ZFHX3: variants seen among roughly 807,000 people sequenced by gnomAD.
ZFHX3 encodes the protein zinc finger homeobox protein 3.
In ZFHX3, 42 loss-of-function variants were observed where a neutral mutation model predicts 279.1. The ratio of observed to expected loss-of-function variants is 0.15; its 90% confidence interval spans 0.12 to 0.19. The LOEUF is 0.19. ZFHX3 is among the 10% of genes least tolerant of loss of function. ZFHX3 has a pLI of 1.00. For synonymous variants in ZFHX3, 2,293 were observed against 1,957.8 expected, an observed-to-expected ratio of 1.17 and a Z score of -4.52; for missense variants, 4,981 against 4,754.0, an observed-to-expected ratio of 1.05 and a Z score of -1.40.
At chr16:73,224,091 A>G (rs2012513441) in intron 5 of ZFHX3, among the ~76,000 whole-genome samples, 1 of 152,236 alleles carries the variant, frequency 6.6e-6, no homozygotes, top group Admixed American at 6.5e-5. Context: ...GTATGGTACT[A>G]TAGTGGTAGA....
At position 73,018,236 on chromosome 16, in the gene ZFHX3, C is replaced by A. The variant is rs577722947; in HGVS notation, c.-50+29516G>T. Reference sequence around the variant, plus strand: ...CGAACTCCTGGGCTCAAGCAATCCTCCTGCCTTGGCCTCCCAAAGTGCTGG... The same window carrying A: ...CGAACTCCTGGGCTCAAGCAATCCTACTGCCTTGGCCTCCCAAAGTGCTGG... On this transcript the variant is annotated intron_variant, in intron 1 of 9. Coordinates refer to ENST00000268489, the MANE Select transcript of ZFHX3 (RefSeq NM_006885.4). Among the ~76,000 whole-genome samples the A allele has an allele frequency of 2.6e-5, 4 of 152,148 alleles. No homozygotes were observed. In the East Asian group the frequency reaches 7.8e-4, roughly 30 times the overall value.
chr16:73,336,789 G>A (rs922863054), intron 3 of ZFHX3, among the ~76,000 whole-genome samples: 3 of 152,082 alleles, frequency 2.0e-5, no homozygotes, highest in African/African-American at 7.2e-5. Context: ...TCTGTTCTCT[G>A]CCGTCTTTGC....
Position 72,788,511 on chromosome 16 carries a change from A to G in ZFHX3, c.9765T>C (p.Pro3255=), listed in dbSNP as rs994146865. The G allele has an allele frequency of 6.2e-7, 1 of 1,614,042 alleles. No homozygotes were observed. Among genetic ancestry groups the G allele is most frequent in the African/African-American group, 1.3e-5 (1 of 74,918 alleles). Residue 3255 remains proline (P), a synonymous_variant, in exon 10 of 10, where the codon CCT becomes CCC. Transcript: ENST00000268489. ...CCTCTCCTTTCTCCTTCTTGGGGAC[A>G]GGCAGGGGTTCCCCTTTCCCTTTGT... ...KAHKGKGEPL[P]VPKKEKGEAP...
chr16:72,994,921 C>G (rs1438360007), intron 1 of ZFHX3, among the ~76,000 whole-genome samples: 1 of 152,184 alleles, frequency 6.6e-6, no homozygotes, highest in African/African-American at 2.4e-5. Context: ...TATTCCGGAA[C>G]CCCTGTTTGA....
At chr16:73,850,156 G>A (rs566190504) in intron 1 of ZFHX3, among the ~76,000 whole-genome samples, 1 of 152,336 alleles carries the variant, frequency 6.6e-6, no homozygotes, top group East Asian at 1.9e-4. Flanking sequence ...CCATCCTGGT[G>A]ATAAATAACA....
chr16:73,114,042 C>T (rs1305581867), intron 7 of ZFHX3, among the ~76,000 whole-genome samples: 1 of 151,804 alleles, frequency 6.6e-6, no homozygotes, highest in African/African-American at 2.4e-5. Context: ...GTGATCTGCT[C>T]GCCTCGGCCT....
chr16:73,727,991 G>C (rs908352611), intron 1 of ZFHX3, among the ~76,000 whole-genome samples: 2 of 141,922 alleles, frequency 1.4e-5, no homozygotes, highest in South Asian at 2.3e-4. Context: ...TCAGCTCCTT[G>C]GTCCCTTTTA....
intron 3 of ZFHX3, among the ~76,000 whole-genome samples, chr16:73,334,132 A>T (rs540814293): frequency 3.3e-5 from 5 of 152,342 alleles, no homozygotes; most frequent in Admixed American, 2.0e-4. Context: ...CCCCAAAGGC[A>T]GCAGGGCCAG....
intron 3 of ZFHX3, among the ~76,000 whole-genome samples, chr16:72,943,330 T>C (rs966960949): frequency 6.6e-6 from 1 of 152,018 alleles, no homozygotes; most frequent in Non-Finnish European, 1.5e-5. Flanking sequence ...GTTCAGGAGT[T>C]TGAGACCAGC....
chr16:73,519,252 A>G (rs1268286670), intron 2 of ZFHX3, among the ~76,000 whole-genome samples: 2 of 152,002 alleles, frequency 1.3e-5, no homozygotes, highest in Admixed American at 1.3e-4. Flanking sequence ...AAAAAAAGAT[A>G]TTTTCTACAT....
chr16:73,803,825 G>A (rs1597122743), intron 1 of ZFHX3, among the ~76,000 whole-genome samples: 1 of 152,158 alleles, frequency 6.6e-6, no homozygotes, highest in South Asian at 2.1e-4. Flanking sequence ...CTGCGTGTGT[G>A]TCTGTGAACA....
rs564576149 is a variant in ZFHX3, at chr16:72,975,524, C to G, written c.-49-15330G>C. Among the ~76,000 whole-genome samples, 6 of 152,290 alleles carry G rather than the reference C, an allele frequency of 3.9e-5. No homozygotes were observed. The South Asian group carries it at 1.2e-3, about 32-fold the overall frequency. The stretch of plus-strand genomic sequence containing the variant: ...ATCATGAAACGTGATCACATGTCCC[C>G]TTCTTCATGGCCCCTTCTCCATCCC... On this transcript the variant is annotated intron_variant, in intron 1 of 9. Transcript: ENST00000268489.
chr16:73,867,425 G>C (rs577778007), intron 1 of ZFHX3, among the ~76,000 whole-genome samples: 1 of 152,094 alleles, frequency 6.6e-6, no homozygotes, highest in Admixed American at 6.5e-5. Flanking sequence ...TTGCAAAGCC[G>C]ATGCTCCCCA....
At chr16:73,728,315 C>A (rs375724864) in intron 1 of ZFHX3, among the ~76,000 whole-genome samples, 1 of 152,230 alleles carries the variant, frequency 6.6e-6, no homozygotes, top group East Asian at 1.9e-4. Flanking sequence ...GCTGCTGACA[C>A]CTTGATCTCA....
chr16:73,449,353 G>A (rs577301837), intron 3 of ZFHX3, among the ~76,000 whole-genome samples: 2 of 152,160 alleles, frequency 1.3e-5, no homozygotes, highest in South Asian at 4.2e-4. Context: ...AGCATCTAAC[G>A]ATCTTCTAAA....
chr16:72,934,510 T>TCA (rs1960009715), intron 3 of ZFHX3, among the ~76,000 whole-genome samples: 2 of 152,206 alleles, frequency 1.3e-5, no homozygotes, highest in Non-Finnish European at 2.9e-5. Flanking sequence ...AGCCACAGGT[T>TCA]CAGTAAGTAC....
At chr16:73,151,733 C>T (rs570981091) in intron 5 of ZFHX3, among the ~76,000 whole-genome samples, 2 of 152,184 alleles carry the variant, frequency 1.3e-5, no homozygotes, top group East Asian at 3.9e-4. Flanking sequence ...TCTAAATTCC[C>T]ATGAAAATAT....
At chr16:73,587,710 G>A (rs553280276) in intron 2 of ZFHX3, among the ~76,000 whole-genome samples, 26 of 152,282 alleles carry the variant, frequency 1.7e-4, no homozygotes, top group African/African-American at 6.3e-4. Flanking sequence ...TAGAGAAATA[G>A]TAATTGGAGA....
rs769344872 is a variant in ZFHX3 at position 72,787,302 on chromosome 16, G to T, written c.10974C>A (p.Asp3658Glu). The change falls in exon 10 of 10, where the codon GAC (aspartate) becomes GAA (glutamate). Residue 3658 changes from aspartate to glutamate, a missense_variant. Physicochemically the swap from Asp to Glu is conservative, Grantham distance 45. Around this residue, in one of 7 missense-constraint regions of ZFHX3, gnomAD observed 1,034 missense variants for 786.0 expected, o/e 1.32. Transcript: ENST00000268489. ...CCGTGTCAGACTCCTCCGAATAGTC[G>T]TCTGTTGGCATCGAGGGCTGAACCC... ...TSGVQPSMPT[D>E]DYSEESDTDL... 2 of 1,613,988 alleles carry T rather than the reference G, an allele frequency of 1.2e-6. No individual in the cohort carries two copies. The highest frequency in any genetic ancestry group is 1.7e-5 in the Admixed American group (1 of 60,020).
Sources: allele counts gnomAD v4.1 joint callset (sites outside exome capture counted in the v4.1 genomes callset), GRCh38; gene constraint gnomAD v4.1.1; regional missense constraint gnomAD v4.1.1; transcripts MANE v1.5; gene names NCBI Gene and HGNC (gene_info 2026-07-23, HGNC 2026-07-21).